The following CCDC198 variants were observed in gnomAD, a reference collection of about 807,000 sequenced individuals.
CCDC198 encodes factor associated with metabolism and energy.
In CCDC198, 18 loss-of-function variants were observed where a neutral mutation model predicts 35.6. That is an observed-to-expected ratio of 0.51 (90% CI 0.35 to 0.75). The LOEUF is 0.75. Ranked by LOEUF, CCDC198 falls within the 30% of genes least tolerant of loss-of-function variation. The pLI, the probability that CCDC198 is intolerant of heterozygous loss-of-function variation, is 0.01. For missense variants in CCDC198, 365 were observed against 343.7 expected (o/e 1.06, Z -0.49); for synonymous variants, 119 against 113.4 (o/e 1.05, Z -0.31).
intron 5 of CCDC198, chr14:57,478,877 G>T (rs1179403494): frequency 3.4e-6 from 4 of 1,160,620 alleles, no homozygotes; most frequent in African/African-American, 3.2e-5. Flanking sequence ...GCAATTTTGC[G>T]TCTTAGAAGT....
intron 2 of CCDC198, among the ~76,000 whole-genome samples, chr14:57,485,170 A>T (rs2067316535): frequency 6.6e-6 from 1 of 151,244 alleles, no homozygotes; most frequent in Non-Finnish European, 1.5e-5. Flanking sequence ...ATGTTGAGTT[A>T]TACAGGGAGC....
intron 3 of CCDC198, among the ~76,000 whole-genome samples, chr14:57,482,163 G>C (rs1021827691): frequency 3.9e-5 from 6 of 152,272 alleles, no homozygotes; most frequent in East Asian, 1.9e-4. Context: ...AGTTTAGGGA[G>C]GATTTGAAGT....
At chr14:57,483,338 T>A in intron 2 of CCDC198, 187 bp from the exon 3 acceptor site, 1 of 777,872 alleles carries the variant, frequency 1.3e-6, no homozygotes, top group East Asian at 2.8e-5. Context: ...CTATCTGGGT[T>A]CTTTATTATT....
At chr14:57,475,463 C>A in intron 5 of CCDC198, 1 of 1,239,342 alleles carries the variant, frequency 8.1e-7, no homozygotes, top group Non-Finnish European at 1.0e-6. Flanking sequence ...TGGCCAGGCG[C>A]GGTGGCTCAT....
Position 57,471,270 on chromosome 14 carries a change from A to G in CCDC198, c.*85T>C, listed in dbSNP as rs558710359. ...TTACCAAAGTGATTTGCTGTCCTCA[A>G]AGTAATTCATATATCAGTTTGGAAG... On this transcript the variant is annotated 3_prime_UTR_variant, in exon 6 of 6. Transcript: ENST00000216445. 26 of 964,526 alleles carry G rather than the reference A, an allele frequency of 2.7e-5. No homozygotes were observed. Among genetic ancestry groups the G allele is most frequent in the African/African-American group, 2.3e-4 (14 of 61,942 alleles). The allele number at this position is 964,526 out of a possible 1,614,324, so 59.7% of individuals were successfully genotyped here. A position where few individuals can be genotyped will look rare whatever the true frequency, so the allele number is the denominator to read the frequency against.
chr14:57,490,021 G>C (rs2067506775), intron 2 of CCDC198, among the ~76,000 whole-genome samples: 1 of 151,996 alleles, frequency 6.6e-6, no homozygotes, highest in African/African-American at 2.4e-5. Flanking sequence ...ACTCTTTTGA[G>C]ACAAAATGAT....
intron 3 of CCDC198, 54 bp from the exon 4 acceptor site, chr14:57,481,714 AT>A (rs2067194767): frequency 6.3e-6 from 7 of 1,117,398 alleles, no homozygotes; most frequent in Non-Finnish European, 8.1e-6. Context: ...TGACTCTGCA[AT>A]TCACAAGTTT....
chr14:57,477,433 T>A (rs1259202918), intron 5 of CCDC198, among the ~76,000 whole-genome samples: 2 of 152,198 alleles, frequency 1.3e-5, no homozygotes, highest in Admixed American at 1.3e-4. Flanking sequence ...ATTCCCTCTC[T>A]ATTTCATGCT....
At chr14:57,487,115 C>A (rs1566589286) in intron 2 of CCDC198, among the ~76,000 whole-genome samples, 3 of 152,166 alleles carry the variant, frequency 2.0e-5, no homozygotes, top group African/African-American at 7.2e-5. Context: ...TTCCTTTTCC[C>A]TGCCCAGGAA....
chr14:57,480,616 C>A lies in CCDC198; in HGVS notation c.634G>T (p.Glu212Ter), dbSNP rs2067149033. 1 of 1,614,078 alleles carries A rather than the reference C, an allele frequency of 6.2e-7. No individual in the cohort carries two copies. The highest frequency in any genetic ancestry group is 1.7e-5 in the Admixed American group (1 of 60,018). Residue 212 changes from glutamate to a stop codon, truncating the protein, a stop_gained, in exon 5 of 6, where the codon GAA (glutamate) becomes TAA (stop). Transcript: ENST00000216445. LOFTEE classifies it high-confidence loss of function. ...DHDLLTMLPD[E>*]ILNRGPGNSK... Reference sequence around the variant, plus strand: ...TCACCGGGACCTCTGTTCAAGATTTCATCAGGCAACATGGTTAGAAGGTCA... The same window carrying A: ...TCACCGGGACCTCTGTTCAAGATTTAATCAGGCAACATGGTTAGAAGGTCA...
intron 5 of CCDC198, 45 bp downstream of exon 5, chr14:57,480,550 T>TAA: frequency 6.3e-7 from 1 of 1,599,366 alleles, no homozygotes; most frequent in Non-Finnish European, 8.5e-7. Context: ...GATGAAGTTT[T>TAA]AAAAACACTT....
chr14:57,478,508 C>T (rs1162809749), intron 5 of CCDC198: 9 of 986,744 alleles, frequency 9.1e-6, no homozygotes, highest in Non-Finnish European at 1.1e-5. Flanking sequence ...ATCAGGAGAG[C>T]AGAGGAAAAC....
intron 2 of CCDC198, 147 bp from the exon 3 acceptor site, chr14:57,483,298 C>T (rs1170440066): frequency 2.9e-5 from 35 of 1,203,692 alleles, no homozygotes; most frequent in Middle Eastern, 2.0e-4. Context: ...AACAGCATTA[C>T]AGTTATATTG....
At chr14:57,481,060 A>G (rs2067166329) in intron 4 of CCDC198, among the ~76,000 whole-genome samples, 1 of 152,226 alleles carries the variant, frequency 6.6e-6, no homozygotes, top group African/African-American at 2.4e-5. Flanking sequence ...CAGTAACTAA[A>G]GGCTCATTTC....
At chr14:57,480,528 G>C (rs1257223417) in intron 5 of CCDC198, 67 bp downstream of exon 5, 39 of 1,548,436 alleles carry the variant, frequency 2.5e-5, no homozygotes, top group Non-Finnish European at 2.5e-5. Context: ...TCCCTCCCTT[G>C]GTAGTTTATT....
chr14:57,471,877 C>A (rs913916488), intron 5 of CCDC198, among the ~76,000 whole-genome samples: 29 of 151,660 alleles, frequency 1.9e-4, no homozygotes, highest in Non-Finnish European at 2.1e-4. Flanking sequence ...TGCCACAATA[C>A]TTTTTCATCA....
intron 5 of CCDC198, chr14:57,479,144 A>G: frequency 1.3e-6 from 1 of 763,436 alleles, no homozygotes; most frequent in Non-Finnish European, 1.9e-6. Context: ...AGCATAAACA[A>G]TTTGGCCTGG....
chr14:57,480,277 T>C, intron 5 of CCDC198: 1 of 985,482 alleles, frequency 1.0e-6, no homozygotes, highest in Non-Finnish European at 1.2e-6. Context: ...ATATGCTTCA[T>C]TCTCTCTAAC....
At chr14:57,473,699 G>A (rs922144046) in intron 5 of CCDC198, among the ~76,000 whole-genome samples, 22 of 152,148 alleles carry the variant, frequency 1.4e-4, no homozygotes, top group Admixed American at 1.1e-3. Flanking sequence ...ATTCTCCACA[G>A]TGTAGACAGA....
Sources: gnomAD v4.1 joint callset for allele counts (sites outside exome capture counted in the v4.1 genomes callset) on GRCh38, gnomAD v4.1.1 for gene constraint, MANE v1.5 for transcripts, NCBI Gene and HGNC (gene_info 2026-07-23, HGNC 2026-07-21) for gene names.